The following MBIP variants were observed in gnomAD, a reference collection of about 807,000 sequenced individuals.
MBIP encodes the protein MAP3K12 binding inhibitory protein 1.
A neutral mutation model predicts 45.7 loss-of-function variants in MBIP; 32 were observed. The ratio of observed to expected loss-of-function variants is 0.70; its 90% CI spans 0.53 to 0.94. The LOEUF (loss-of-function observed/expected upper bound fraction) is 0.94, where lower values mean the gene tolerates loss of function less well. MBIP is among the 40% of genes least tolerant of loss of function. The probability of loss-of-function intolerance (pLI) is 0.00; values close to 1 mark genes in which losing one functional copy is unlikely to be tolerated. For synonymous variants in MBIP, 145 were observed against 141.0 expected (o/e 1.03, Z -0.20); for missense variants, 381 against 405.5 (o/e 0.94, Z 0.52).
intron 3 of MBIP, 35 bp from the exon 4 acceptor site, chr14:36,314,643 G>A (rs1880445781): frequency 6.2e-7 from 1 of 1,606,296 alleles, no homozygotes; most frequent in Non-Finnish European, 8.5e-7. Context: ...GTAAACATAA[G>A]ATTTTTTAAA....
chr14:36,309,733 C>A (rs1880090251), intron 6 of MBIP, among the ~76,000 whole-genome samples: 1 of 152,196 alleles, frequency 6.6e-6, no homozygotes, highest in Non-Finnish European at 1.5e-5. Flanking sequence ...TCAAGCTTCA[C>A]TGGGTAACGC....
Position 36,316,684 on chromosome 14 carries a change from GA to G in MBIP, c.249+8del, listed in dbSNP as rs1311709762. 9 of 1,591,312 alleles carry G rather than the reference GA, an allele frequency of 5.7e-6. No homozygotes were observed. Among genetic ancestry groups the G allele is most frequent in the Non-Finnish European group, 7.7e-6 (9 of 1,171,676 alleles). Reference sequence around the variant, plus strand: ...AATATCGGGTTATCATTTCTAACAAGAAATTTACCTGTAAATATAAAATGTG... The same window carrying G: ...AATATCGGGTTATCATTTCTAACAAGAATTTACCTGTAAATATAAAATGTG... On this transcript the variant is annotated splice_region_variant and intron_variant, in intron 2 of 8. Coordinates refer to ENST00000416007, the MANE Select transcript of MBIP (RefSeq NM_016586.3).
chr14:36,320,496 G>A lies in MBIP; in HGVS notation c.93C>T (p.Tyr31=). 1.2e-6 allele frequency: 2 copies of A among 1,614,076 alleles called. No homozygotes were observed. Among genetic ancestry groups the A allele is most frequent in the South Asian group, 2.2e-5 (2 of 91,078 alleles). The change falls in exon 1 of 9, where the codon TAC becomes TAT. Residue 31 remains tyrosine (Y), a synonymous_variant. Coordinates refer to ENST00000416007, the MANE Select transcript of MBIP (RefSeq NM_016586.3). ...CRPNLSREVL[Y]EIFRSLHTLV... ...GGGTGTGTAGGGAGCGAAAGATTTCGTAGAGCACCTCTCGGGAGAGGTTGG... is the reference window on the plus strand; with the variant it reads ...GGGTGTGTAGGGAGCGAAAGATTTCATAGAGCACCTCTCGGGAGAGGTTGG...
At chr14:36,302,540 G>A (rs1452504990) in intron 7 of MBIP, among the ~76,000 whole-genome samples, 1 of 145,288 alleles carries the variant, frequency 6.9e-6, no homozygotes, top group East Asian at 2.0e-4. Context: ...TCTCCTAATC[G>A]TTTAACCTGT....
In MBIP at chr14:36,298,652, TTCAG is replaced by T. The variant is rs1317655387; in HGVS notation, c.*427_*430del. ...TCATACACATGCATTTAAAATTCAT[TTCAG>T]TCAATAAATTTTTGTTGAATGCTTA... On this transcript the variant is annotated 3_prime_UTR_variant, in exon 9 of 9. Coordinates refer to ENST00000416007, the MANE Select transcript of MBIP (RefSeq NM_016586.3). 6.5e-6 allele frequency: 1 copy of T among 154,442 alleles called. No homozygotes were observed. The highest frequency in any genetic ancestry group is 1.4e-5 in the Non-Finnish European group (1 of 69,406). 9.6% of individuals were successfully genotyped at this position (154,442 alleles called of 1,614,324 possible). A position where few individuals can be genotyped will look rare whatever the true frequency, so the allele number is the denominator to read the frequency against.
chr14:36,314,576 T>G lies in MBIP; in HGVS notation c.507A>C (p.Arg169Ser), dbSNP rs1213935974. The change falls in exon 4 of 9, where the codon AGA becomes AGC. Residue 169 changes from arginine (R) to serine (S), a missense_variant. Transcript: ENST00000416007. Reference protein sequence around the residue: ...IDRRISAFIERKQAEINENNV... With the variant: ...IDRRISAFIESKQAEINENNV... ...TGTTTTCATTGATTTCAGCTTGCTT[T>G]CTTTCAATAAATGCAGATATTCGTC... 6.2e-7 allele frequency: 1 copy of G among 1,611,822 alleles called. No homozygotes were observed. Among genetic ancestry groups the G allele is most frequent in the South Asian group, 1.1e-5 (1 of 90,374 alleles).
intron 1 of MBIP, chr14:36,319,593 T>C (rs1047202092): frequency 2.0e-5 from 9 of 443,908 alleles, no homozygotes; most frequent in African/African-American, 1.8e-4. Context: ...ACCATTATCT[T>C]TGACACAAAT....
At chr14:36,317,700 T>C (rs772480195) in intron 1 of MBIP, among the ~76,000 whole-genome samples, 17 of 152,024 alleles carry the variant, frequency 1.1e-4, no homozygotes, top group Non-Finnish European at 4.4e-5. Flanking sequence ...AAGTGAACCA[T>C]CAAAAACTTT....
intron 6 of MBIP, among the ~76,000 whole-genome samples, chr14:36,310,314 T>G (rs1038279258): frequency 2.6e-5 from 4 of 152,190 alleles, no homozygotes; most frequent in African/African-American, 9.7e-5. Context: ...TTCAGATATC[T>G]CCTGAACCAT....
At chr14:36,306,175 C>T (rs1417571329) in intron 7 of MBIP, among the ~76,000 whole-genome samples, 2 of 152,102 alleles carry the variant, frequency 1.3e-5, no homozygotes, top group African/African-American at 4.8e-5. Context: ...CCCACTCTAT[C>T]CTATCTGTAA....
intron 6 of MBIP, among the ~76,000 whole-genome samples, chr14:36,308,470 C>T (rs2139213755): frequency 6.6e-6 from 1 of 152,272 alleles, no homozygotes; most frequent in South Asian, 2.1e-4. Flanking sequence ...TGAATAGCTT[C>T]CATGTAGAAC....
At chr14:36,316,851 C>G in intron 1 of MBIP, 39 bp from the exon 2 acceptor site, 1 of 1,577,540 alleles carries the variant, frequency 6.3e-7, no homozygotes, top group Non-Finnish European at 8.6e-7. Flanking sequence ...AAAAATTACA[C>G]GATTAAGCTC....
intron 8 of MBIP, among the ~76,000 whole-genome samples, chr14:36,300,314 T>G (rs1879463183): frequency 3.3e-5 from 5 of 152,200 alleles, no homozygotes; most frequent in Admixed American, 3.3e-4. Context: ...TCAGAAAGTT[T>G]TCTCCAACTT....
chr14:36,320,603 C>G lies in MBIP; in HGVS notation c.-15G>C, dbSNP rs1267148197. Reference sequence around the variant, plus strand: ...GCAGCAGCCATGATATCTTCTCAGGCCGCCCCACCACCACCACCACCAAGA... The same window carrying G: ...GCAGCAGCCATGATATCTTCTCAGGGCGCCCCACCACCACCACCACCAAGA... On this transcript the variant is annotated 5_prime_UTR_variant, in exon 1 of 9. Transcript: ENST00000416007. 2 of 1,590,968 alleles carry G rather than the reference C, an allele frequency of 1.3e-6. No individual in the cohort carries two copies. Among genetic ancestry groups the G allele is most frequent in the African/African-American group, 2.7e-5 (2 of 74,476 alleles).
At chr14:36,316,890 T>A in intron 1 of MBIP, 78 bp from the exon 2 acceptor site, 1 of 1,454,818 alleles carries the variant, frequency 6.9e-7, no homozygotes, top group Non-Finnish European at 9.2e-7. Context: ...AAAAATAAGA[T>A]TTCTAGAGTA....
chr14:36,318,156 T>C (rs190019090), intron 1 of MBIP, among the ~76,000 whole-genome samples: 2 of 152,162 alleles, frequency 1.3e-5, no homozygotes, highest in African/African-American at 4.8e-5. Flanking sequence ...AAGTAACCCA[T>C]TAATGTACTT....
chr14:36,312,246 T>A (rs1187355192), intron 4 of MBIP, among the ~76,000 whole-genome samples: 4 of 152,194 alleles, frequency 2.6e-5, no homozygotes, highest in Admixed American at 1.3e-4. Context: ...ATGTTCAGAT[T>A]TATATACAGA....
chr14:36,318,379 T>A (rs1880698738), intron 1 of MBIP, among the ~76,000 whole-genome samples: 1 of 151,990 alleles, frequency 6.6e-6, no homozygotes, highest in Non-Finnish European at 1.5e-5. Flanking sequence ...ATTAGTCTTT[T>A]AAGAAAACCA....
At chr14:36,312,105 T>A in intron 4 of MBIP, 81 bp from the exon 5 acceptor site, 1 of 697,460 alleles carries the variant, frequency 1.4e-6, no homozygotes, top group Non-Finnish European at 2.3e-6. Context: ...TTTCAATAAT[T>A]CATATTAACA....
Sources: allele counts gnomAD v4.1 joint callset (sites outside exome capture counted in the v4.1 genomes callset), GRCh38; gene constraint gnomAD v4.1.1; transcripts MANE v1.5; gene names NCBI Gene and HGNC (gene_info 2026-07-23, HGNC 2026-07-21).